SOHLH2: variants seen among roughly 807,000 people sequenced by gnomAD.
SOHLH2 encodes spermatogenesis and oogenesis specific basic helix-loop-helix 2.
Under a neutral mutation model 50.4 loss-of-function variants are expected in SOHLH2, and 22 were observed. That is an observed-to-expected ratio of 0.44 (90% CI 0.31 to 0.62). SOHLH2 has a LOEUF of 0.62. Among genes scored for constraint, SOHLH2 ranks in the 20% least tolerant of loss-of-function variants. SOHLH2 has a pLI of 0.08. For synonymous variants in SOHLH2, 185 were observed against 187.3 expected (o/e 0.99, Z 0.10); for missense variants, 412 against 504.4 (o/e 0.82, Z 1.76).
At position 36,170,544 on chromosome 13, in the gene SOHLH2, T is replaced by C. The variant is rs752869763; in HGVS notation, c.1244A>G (p.His415Arg). The C allele has an allele frequency of 3.1e-6, 5 of 1,613,782 alleles. No individual in the cohort carries two copies. The South Asian group carries it at 5.5e-5, about 18-fold the overall frequency. The change falls in exon 10 of 11, where the codon CAT becomes CGT. Residue 415 changes from histidine to arginine, a missense_variant. His to Arg is a conservative substitution (Grantham distance 29, BLOSUM62 0). Coordinates refer to ENST00000379881, the MANE Select transcript of SOHLH2 (RefSeq NM_017826.3). ...CTGGAAACTTACCAGACAGTTGGGA[T>C]GTGTAGTGCACGTCTGGCCCAACCC... Reference protein sequence around the residue: ...TSGLGQTCTTHPNCLQQFWAY With the variant: ...TSGLGQTCTTRPNCLQQFWAY
At chr13:36,202,775 G>T (rs1868502890) in intron 1 of SOHLH2, among the ~76,000 whole-genome samples, 1 of 152,128 alleles carries the variant, frequency 6.6e-6, no homozygotes, top group Non-Finnish European at 1.5e-5. Flanking sequence ...GGAAATAGAA[G>T]ACAATTGGAA....
At chr13:36,202,219 ACTGG>A in intron 1 of SOHLH2, 126 bp from the exon 2 acceptor site, 9 of 1,189,072 alleles carry the variant, frequency 7.6e-6, no homozygotes, top group Non-Finnish European at 9.3e-6. Flanking sequence ...ATCTAGTCTG[ACTGG>A]CTAGATGGTC....
chr13:36,181,711 T>C (rs1435719962), intron 6 of SOHLH2, among the ~76,000 whole-genome samples: 1 of 152,204 alleles, frequency 6.6e-6, no homozygotes. Flanking sequence ...TTTTAAGTAT[T>C]TTAAATAGTT....
chr13:36,194,389 T>G (rs1420821587), intron 2 of SOHLH2, among the ~76,000 whole-genome samples: 7 of 152,094 alleles, frequency 4.6e-5, no homozygotes, highest in Non-Finnish European at 1.0e-4. Flanking sequence ...ATAATATGGG[T>G]TTTGTGGTTA....
At chr13:36,214,371 G>T in intron 1 of SOHLH2, 108 bp downstream of exon 1, 3 of 1,357,956 alleles carry the variant, frequency 2.2e-6, no homozygotes, top group Non-Finnish European at 3.0e-6. Flanking sequence ...ACAGTTCCCC[G>T]ACAATGAGAG....
chr13:36,175,615 C>T (rs986010234), intron 6 of SOHLH2, among the ~76,000 whole-genome samples: 1 of 152,152 alleles, frequency 6.6e-6, no homozygotes, highest in African/African-American at 2.4e-5. Flanking sequence ...CTGAATACTA[C>T]CTTGACATCT....
chr13:36,183,135 G>A, intron 6 of SOHLH2: 1 of 357,262 alleles, frequency 2.8e-6, no homozygotes, highest in Non-Finnish European at 6.1e-6. Context: ...TTTGCCTCCT[G>A]CCATGATTGT....
At chr13:36,213,706 T>C (rs1280389346) in intron 1 of SOHLH2, among the ~76,000 whole-genome samples, 2 of 152,142 alleles carry the variant, frequency 1.3e-5, no homozygotes, top group African/African-American at 2.4e-5. Flanking sequence ...TTGATTTCCA[T>C]GGAGGTGGCA....
At chr13:36,199,760 T>C (rs1333352638) in intron 2 of SOHLH2, among the ~76,000 whole-genome samples, 1 of 152,128 alleles carries the variant, frequency 6.6e-6, no homozygotes, top group African/African-American at 2.4e-5. Context: ...CAGCTAAACA[T>C]AAAGCTGGTT....
At chr13:36,207,459 G>A (rs1322722905) in intron 1 of SOHLH2, among the ~76,000 whole-genome samples, 1 of 152,094 alleles carries the variant, frequency 6.6e-6, no homozygotes, top group Non-Finnish European at 1.5e-5. Flanking sequence ...ACTTACAGAA[G>A]AGTTGCAGAG....
chr13:36,208,320 C>T (rs1178142169), intron 1 of SOHLH2, among the ~76,000 whole-genome samples: 1 of 152,020 alleles, frequency 6.6e-6, no homozygotes, highest in Non-Finnish European at 1.5e-5. Context: ...GTTCCTTTTC[C>T]CTCATTTACT....
chr13:36,176,893 T>G (rs1279977864), intron 6 of SOHLH2, among the ~76,000 whole-genome samples: 2 of 152,126 alleles, frequency 1.3e-5, no homozygotes, highest in African/African-American at 4.8e-5. Context: ...TAGCTCAAAT[T>G]ACTTTATTTT....
At chr13:36,184,707 C>G (rs1438491814) in intron 6 of SOHLH2, among the ~76,000 whole-genome samples, 2 of 152,244 alleles carry the variant, frequency 1.3e-5, no homozygotes, top group South Asian at 4.1e-4. Context: ...ATCCACCCGC[C>G]TTGGCCTCCC....
chr13:36,174,981 C>T, intron 6 of SOHLH2, 112 bp from the exon 7 acceptor site: 1 of 1,391,100 alleles, frequency 7.2e-7, no homozygotes, highest in South Asian at 1.6e-5. Context: ...CATCCCCTCC[C>T]TATATAGTCT....
intron 6 of SOHLH2, among the ~76,000 whole-genome samples, chr13:36,180,615 T>TG (rs1383214095): frequency 1.4e-4 from 21 of 151,392 alleles, no homozygotes; most frequent in East Asian, 1.9e-4. Context: ...GATTTTTTTT[T>TG]TTTGTTTTAC....
intron 6 of SOHLH2, chr13:36,182,283 T>G: frequency 1.0e-6 from 1 of 985,400 alleles, no homozygotes. Flanking sequence ...AACAAGAATC[T>G]GAAATTTGGG....
rs770793918 is a variant in SOHLH2, at chr13:36,173,665, G to A, written c.1000+27C>T. The A allele has an allele frequency of 2.1e-5, 34 of 1,611,914 alleles. No individual in the cohort carries two copies. The East Asian group carries it at 6.0e-4, about 29-fold the overall frequency. ...CAGGGCAGGGCAGGTCCCCCTCTAA[G>A]TGGCACAGATGCTAGGAGAAGCTCA... On this transcript the variant is annotated intron_variant, in intron 9 of 10. Transcript: ENST00000379881.
At chr13:36,201,497 G>T (rs1309275440) in intron 2 of SOHLH2, among the ~76,000 whole-genome samples, 3 of 148,840 alleles carry the variant, frequency 2.0e-5, no homozygotes, top group African/African-American at 7.5e-5. Context: ...TTTAGAAATA[G>T]CATCTCACTC....
chr13:36,207,230 T>C (rs1417570932), intron 1 of SOHLH2, among the ~76,000 whole-genome samples: 1 of 152,112 alleles, frequency 6.6e-6, no homozygotes, highest in Non-Finnish European at 1.5e-5. Context: ...CTAATATCAA[T>C]TAATTGTGAA....
Sources: allele counts gnomAD v4.1 joint callset (sites outside exome capture counted in the v4.1 genomes callset), GRCh38; gene constraint gnomAD v4.1.1; transcripts MANE v1.5; gene names NCBI Gene and HGNC (gene_info 2026-07-23, HGNC 2026-07-21).